EDC3: variants seen among roughly 807,000 people sequenced by gnomAD.
EDC3 encodes the protein enhancer of mRNA decapping 3, also known as enhancer of mRNA-decapping protein 3.
EDC3 carries 20 observed loss-of-function variants against 41.8 expected under a neutral mutation model. The observed-to-expected ratio is 0.48, with a 90% CI of 0.34 to 0.70. EDC3 has a LOEUF of 0.70. Among genes scored for constraint, EDC3 ranks in the 30% least tolerant of loss-of-function variants. The pLI is 0.01. For synonymous variants in EDC3, 206 were observed against 243.2 expected, an observed-to-expected ratio of 0.85 and a Z score of 1.42; for missense variants, 444 against 636.8, an observed-to-expected ratio of 0.70 and a Z score of 3.26.
At chr15:74,645,737 G>A (rs1429614469) in intron 4 of EDC3, among the ~76,000 whole-genome samples, 1 of 151,626 alleles carries the variant, frequency 6.6e-6, no homozygotes, top group East Asian at 1.9e-4. Context: ...AAAATTAGCT[G>A]TGGGTGGCAG....
In EDC3 at chr15:74,675,016, G is replaced by C. The variant is rs139450223; in HGVS notation, c.109C>G (p.Leu37Val). Residue 37 changes from leucine to valine, a missense_variant, in exon 2 of 7, where the codon CTC becomes GTC. This residue lies in a region of EDC3 where 200 missense variants were observed against 244.0 expected (regional missense o/e 0.82). Coordinates refer to ENST00000315127, the MANE Select transcript of EDC3 (RefSeq NM_025083.5). ...AVDQVSQTISLTRPFHNGVKC... is the reference protein window; with the variant it reads ...AVDQVSQTISVTRPFHNGVKC... ...ACTCCATTATGGAAAGGCCGGGTGA[G>C]AGAAATGGTCTGGCTGACCTGATCC... The C allele has an allele frequency of 6.9e-4, 1,120 of 1,614,140 alleles. 1 individual carries two copies. The highest frequency in any genetic ancestry group is 1.6e-3 in the South Asian group (146 of 91,086).
At chr15:74,656,104 A>G in intron 3 of EDC3, 36 bp from the exon 4 acceptor site, 1 of 1,564,378 alleles carries the variant, frequency 6.4e-7, no homozygotes, top group Non-Finnish European at 8.7e-7. Flanking sequence ...CAGTGTATCC[A>G]CAGAAAGCGC....
intron 1 of EDC3, among the ~76,000 whole-genome samples, chr15:74,690,964 G>C: frequency 6.6e-6 from 1 of 152,178 alleles, no homozygotes; most frequent in South Asian, 2.1e-4. Flanking sequence ...GGAGGCCAAG[G>C]AGGGCTGACC....
At chr15:74,680,921 A>G (rs1308778647) in intron 1 of EDC3, among the ~76,000 whole-genome samples, 1 of 152,190 alleles carries the variant, frequency 6.6e-6, no homozygotes, top group Admixed American at 6.5e-5. Flanking sequence ...CTAAAAAAAA[A>G]GGGTACAGGA....
In EDC3 at chr15:74,667,295, A is replaced by C. The variant is rs1244924427; in HGVS notation, c.484+4160T>G. 2.6e-5 allele frequency among the ~76,000 whole-genome samples: 4 copies of C among 152,086 alleles called. No individual in the cohort carries two copies. The South Asian group carries it at 6.2e-4, about 24-fold the overall frequency. ...TATAGAAATATTTAAATATGTATAT[A>C]TATGCTGGTTAAATATACACACATA... is the stretch of plus-strand genomic sequence containing the variant. On this transcript the variant is annotated intron_variant, in intron 3 of 6. Transcript: ENST00000315127.
chr15:74,674,167 C>CTA (rs909543357), intron 2 of EDC3, among the ~76,000 whole-genome samples: 19 of 152,200 alleles, frequency 1.2e-4, no homozygotes, highest in African/African-American at 4.3e-4. Context: ...TGCAGTGGTG[C>CTA]TATCATAGCT....
intron 4 of EDC3, among the ~76,000 whole-genome samples, chr15:74,648,129 C>T (rs918204385): frequency 3.9e-5 from 6 of 152,174 alleles, no homozygotes; most frequent in Admixed American, 2.6e-4. Context: ...ACAACAGCTG[C>T]CAAAGGAGAC....
At chr15:74,653,913 C>T (rs981574216) in intron 4 of EDC3, among the ~76,000 whole-genome samples, 3 of 152,036 alleles carry the variant, frequency 2.0e-5, no homozygotes, top group African/African-American at 7.3e-5. Context: ...TCACTCTTAG[C>T]CACTTGACTC....
chr15:74,679,630 CAAT>C (rs1234441283), intron 1 of EDC3, among the ~76,000 whole-genome samples: 1 of 151,670 alleles, frequency 6.6e-6, no homozygotes. Flanking sequence ...AACAATTCAA[CAAT>C]AATGATCCAG....
At chr15:74,684,046 C>T (rs1364338912) in intron 1 of EDC3, among the ~76,000 whole-genome samples, 1 of 150,722 alleles carries the variant, frequency 6.6e-6, no homozygotes, top group Non-Finnish European at 1.5e-5. Flanking sequence ...CAGAGCCAGA[C>T]ACTGTCTTTA....
At chr15:74,689,363 CTTAT>C (rs1420135896) in intron 1 of EDC3, among the ~76,000 whole-genome samples, 1 of 152,146 alleles carries the variant, frequency 6.6e-6, no homozygotes, top group Non-Finnish European at 1.5e-5. Context: ...AAACATACTT[CTTAT>C]TTACTCTTGC....
At chr15:74,681,123 T>C (rs2062865855) in intron 1 of EDC3, among the ~76,000 whole-genome samples, 1 of 152,154 alleles carries the variant, frequency 6.6e-6, no homozygotes. Context: ...ATTCTAAAAT[T>C]TACAAGGAAA....
intron 3 of EDC3, among the ~76,000 whole-genome samples, chr15:74,659,599 CAG>C (rs2062597645): frequency 1.3e-5 from 2 of 150,326 alleles, no homozygotes; most frequent in African/African-American, 4.9e-5. Flanking sequence ...GGGCTGGGTA[CAG>C]TGGCTCATGC....
chr15:74,662,651 A>G (rs951814625), intron 3 of EDC3, among the ~76,000 whole-genome samples: 29 of 152,182 alleles, frequency 1.9e-4, no homozygotes, highest in African/African-American at 6.8e-4. Flanking sequence ...AACTTCAGTC[A>G]TGTCCAATAT....
At chr15:74,657,629 G>A (rs943878135) in intron 3 of EDC3, among the ~76,000 whole-genome samples, 1 of 152,136 alleles carries the variant, frequency 6.6e-6, no homozygotes, top group Non-Finnish European at 1.5e-5. Flanking sequence ...GTAAAAGAAG[G>A]CCTGGTCTTA....
intron 1 of EDC3, among the ~76,000 whole-genome samples, chr15:74,682,297 G>A (rs893118296): frequency 1.3e-5 from 2 of 152,098 alleles, no homozygotes; most frequent in African/African-American, 4.8e-5. Context: ...ACTCTAGCCT[G>A]AGCAACAGAG....
In EDC3 at chr15:74,631,420, T is replaced by TGAGCATCAGTGTGTTCC. The variant is rs2062205730; in HGVS notation, c.*1175_*1191dup. 1 of 152,256 alleles carries TGAGCATCAGTGTGTTCC rather than the reference T, an allele frequency of 6.6e-6. No homozygotes were observed. The highest frequency in any genetic ancestry group is 2.4e-5 in the African/African-American group (1 of 41,470). The allele number at this position is 152,256 out of a possible 1,614,324, so 9.4% of individuals were successfully genotyped here. ...GCCTAGAGCTTGGCACCTTAGGATT[T>TGAGCATCAGTGTGTTCC]GAGCATCAGTGTGTTCCTATGGTTG... On this transcript the variant is annotated 3_prime_UTR_variant, in exon 7 of 7. Coordinates refer to ENST00000315127, the MANE Select transcript of EDC3 (RefSeq NM_025083.5).
chr15:74,656,583 A>G (rs904892463), intron 3 of EDC3, among the ~76,000 whole-genome samples: 1 of 152,224 alleles, frequency 6.6e-6, no homozygotes, highest in Non-Finnish European at 1.5e-5. Flanking sequence ...AGCAAACAAG[A>G]GGAAGAGTAA....
At chr15:74,642,378 T>G (rs2062363912) in intron 4 of EDC3, 1 of 152,202 alleles carries the variant, frequency 6.6e-6, no homozygotes, top group East Asian at 1.9e-4. Context: ...CATTGGTATC[T>G]CAGGTGCCAG....
Sources: gnomAD v4.1 joint callset for allele counts (sites outside exome capture counted in the v4.1 genomes callset) on GRCh38, gnomAD v4.1.1 for gene constraint, gnomAD v4.1.1 regional missense constraint, MANE v1.5 for transcripts, NCBI Gene and HGNC (gene_info 2026-07-23, HGNC 2026-07-21) for gene names.